The following TACC1 variants were observed in gnomAD, a reference collection of about 807,000 sequenced individuals.
The protein encoded by TACC1 is transforming acidic coiled-coil-containing protein 1.
In TACC1, 48 loss-of-function variants were observed where a neutral mutation model predicts 84.4. The ratio of observed to expected loss-of-function variants is 0.57; its 90% CI spans 0.45 to 0.72. TACC1 has a LOEUF of 0.72. Ranked by LOEUF, TACC1 falls within the 30% of genes least tolerant of loss-of-function variation. The pLI, the probability that TACC1 is intolerant of heterozygous loss-of-function variation, is 0.00. For synonymous variants in TACC1, 372 were observed against 376.3 expected (o/e 0.99, Z 0.13); for missense variants, 920 against 973.0 (o/e 0.95, Z 0.72).
At chr8:38,783,813 T>C (rs1337260477), upstream of TACC1, among the ~76,000 whole-genome samples, 1 of 152,244 alleles carries the variant, frequency 6.6e-6, no homozygotes, top group East Asian at 1.9e-4. Flanking sequence ...AAATGCATTG[T>C]ACACAGTCCT....
intron 2 of TACC1, among the ~76,000 whole-genome samples, chr8:38,808,160 CCTT>C (rs1229678542): frequency 3.3e-5 from 5 of 152,296 alleles, no homozygotes; most frequent in Admixed American, 2.0e-4. Flanking sequence ...TCATCAAACT[CCTT>C]CTAGAGAGAG....
intron 3 of TACC1, among the ~76,000 whole-genome samples, chr8:38,769,656 T>A (rs1813118798): frequency 2.9e-5 from 4 of 138,414 alleles, no homozygotes; most frequent in Non-Finnish European, 4.7e-5. Context: ...TGTGTGTGTG[T>A]GAGAGAGAGA....
chr8:38,787,059 C>T, upstream of TACC1: 1 of 912,598 alleles, frequency 1.1e-6, no homozygotes. Flanking sequence ...GGCCCTCAGT[C>T]GGGCCGCGAC....
At chr8:38,793,561 A>T (rs935560556) in intron 2 of TACC1, among the ~76,000 whole-genome samples, 2 of 150,290 alleles carry the variant, frequency 1.3e-5, no homozygotes, top group Non-Finnish European at 3.0e-5. Flanking sequence ...AGTAGTTCTT[A>T]AAAAAAAACA....
intron 3 of TACC1, among the ~76,000 whole-genome samples, chr8:38,779,483 G>A (rs567300215): frequency 3.2e-4 from 49 of 152,306 alleles, no homozygotes; most frequent in Non-Finnish European, 6.3e-4. Context: ...TCCACCCTCC[G>A]GGTGTCTTCA....
Position 38,750,814 on chromosome 8 carries a change from G to A in TACC1, c.26+5321G>A, listed in dbSNP as rs550021382. Among the ~76,000 whole-genome samples, 15 of 152,236 alleles carry A rather than the reference G, an allele frequency of 9.9e-5. 1 individual carries two copies. Among genetic ancestry groups the A allele is most frequent in the Non-Finnish European group, 1.9e-4 (13 of 67,998 alleles). On this transcript the variant is annotated intron_variant, in intron 3 of 14. Coordinates refer to the TACC1 transcript ENST00000518415. ...ATCTGCATAAATGAACAGCTATACC[G>A]TGTTCATGGATTCAAAGTCTCAATA...
chr8:38,810,009 G>A (rs377427547), intron 2 of TACC1, among the ~76,000 whole-genome samples: 3 of 152,256 alleles, frequency 2.0e-5, no homozygotes, highest in South Asian at 4.2e-4. Context: ...ACTAGGATCC[G>A]CTTCCAACAC....
chr8:38,846,721 GT>G lies in TACC1; in HGVS notation c.2253del (p.Arg752GlufsTer20), dbSNP rs1215316866. ...LDKANEEIAQ[V>X]RTKAKAESAA... ...CAGAGCCAATGAAGAGATTGCTCAGGTTCGAACAAAAGCAAAGGCTGAGAGT... is the reference window on the plus strand; with the variant it reads ...CAGAGCCAATGAAGAGATTGCTCAGGTCGAACAAAAGCAAAGGCTGAGAGT... On this transcript the variant is annotated frameshift_variant, in exon 12 of 13. Coordinates refer to ENST00000317827, the MANE Select transcript of TACC1 (RefSeq NM_006283.3). LOFTEE classifies it high-confidence loss of function. 6.2e-7 allele frequency: 1 copy of G among 1,613,996 alleles called. No homozygotes were observed. Among genetic ancestry groups the G allele is most frequent in the Non-Finnish European group, 8.5e-7 (1 of 1,180,028 alleles).
chr8:38,819,638 G>A lies in TACC1; in HGVS notation c.394G>A (p.Val132Ile). Residue 132 changes from valine to isoleucine, a missense_variant, in exon 3 of 13, where the codon GTC becomes ATC. Val to Ile is a conservative substitution (Grantham distance 29). Coordinates refer to ENST00000317827, the MANE Select transcript of TACC1 (RefSeq NM_006283.3). ...ACAGCAGGCCATTGACTCTCACTCA[G>A]TCAAGAATTTCAGAGAAGAACCTGA... ...VPQQAIDSHSVKNFREEPEHD... is the reference protein window; with the variant it reads ...VPQQAIDSHSIKNFREEPEHD... 6.2e-7 allele frequency: 1 copy of A among 1,614,230 alleles called. No homozygotes were observed. Among genetic ancestry groups the A allele is most frequent in the East Asian group, 2.2e-5 (1 of 44,890 alleles).
chr8:38,804,474 T>G (rs1382051502), intron 2 of TACC1, among the ~76,000 whole-genome samples: 1 of 152,170 alleles, frequency 6.6e-6, no homozygotes. Context: ...TAATTTTTTG[T>G]ATTTTTAGTA....
chr8:38,797,619 T>A (rs1820297695), intron 2 of TACC1, among the ~76,000 whole-genome samples: 1 of 152,202 alleles, frequency 6.6e-6, no homozygotes, highest in Non-Finnish European at 1.5e-5. Context: ...TCCTCCCTCT[T>A]CTTCTTTATC....
chr8:38,852,259 TATATAA>T lies in TACC1; in HGVS notation c.*4242_*4247del, dbSNP rs1460046765. 1 of 248,766 alleles carries T rather than the reference TATATAA, an allele frequency of 4.0e-6. No individual in the cohort carries two copies. Among genetic ancestry groups the T allele is most frequent in the African/African-American group, 2.2e-5 (1 of 44,588 alleles). 15.4% of individuals were successfully genotyped at this position (248,766 alleles called of 1,614,324 possible). A position where few individuals can be genotyped will look rare whatever the true frequency, so the allele number is the denominator to read the frequency against. ...TTAACTATAATATGGTTACAGCTAT[TATATAA>T]ATATATATTCTGGTTATAGTTCTAA... is the stretch of plus-strand genomic sequence containing the variant. On this transcript the variant is annotated 3_prime_UTR_variant, in exon 13 of 13. Transcript: ENST00000317827.
intron 3 of TACC1, 86 bp from the exon 4 acceptor site, chr8:38,825,222 C>A: frequency 1.4e-6 from 2 of 1,430,354 alleles, no homozygotes; most frequent in Non-Finnish European, 2.0e-6. Flanking sequence ...CTTCTATCCG[C>A]ACACACTGCT....
At chr8:38,797,431 C>T (rs963071710) in intron 2 of TACC1, among the ~76,000 whole-genome samples, 1 of 152,248 alleles carries the variant, frequency 6.6e-6, no homozygotes, top group Non-Finnish European at 1.5e-5. Context: ...GGCGTCTCTT[C>T]ACTATGCCCT....
In TACC1 at chr8:38,788,772, C is replaced by G. The variant is rs766086508; in HGVS notation, c.230C>G (p.Ser77Cys). The G allele has an allele frequency of 6.2e-7, 1 of 1,613,788 alleles. No individual in the cohort carries two copies. ...ETPIRSPFKESCDPSLGLAGP... is the reference protein window; with the variant it reads ...ETPIRSPFKECCDPSLGLAGP... ...CCGATCCGATCACCTTTCAAGGAGT[C>G]CTGTGATCCATCACTCGGATTGGCA... Residue 77 changes from serine to cysteine, a missense_variant, in exon 2 of 13, where the codon TCC (serine) becomes TGC (cysteine). Physicochemically the swap from Ser to Cys is moderately radical, Grantham distance 112. Coordinates refer to ENST00000317827, the MANE Select transcript of TACC1 (RefSeq NM_006283.3).
At chr8:38,769,415 A>G in intron 3 of TACC1, among the ~76,000 whole-genome samples, 1 of 112,142 alleles carries the variant, frequency 8.9e-6, no homozygotes, top group African/African-American at 3.6e-5. Context: ...TATGTATATG[A>G]GACTGTATGA....
intron 2 of TACC1, among the ~76,000 whole-genome samples, chr8:38,789,291 A>G (rs1007671749): frequency 6.6e-6 from 1 of 152,160 alleles, no homozygotes; most frequent in Non-Finnish European, 1.5e-5. Flanking sequence ...CCTTCAGTCT[A>G]CTTAGGAAAA....
chr8:38,845,177 G>A (rs868581446), intron 11 of TACC1, among the ~76,000 whole-genome samples: 3 of 152,096 alleles, frequency 2.0e-5, no homozygotes, highest in South Asian at 2.1e-4. Context: ...CGCCCGCCTC[G>A]GTCTCCCAAA....
At chr8:38,742,699 T>G (rs1319489750) in intron 2 of TACC1, among the ~76,000 whole-genome samples, 4 of 152,184 alleles carry the variant, frequency 2.6e-5, no homozygotes, top group Non-Finnish European at 5.9e-5. Flanking sequence ...ATTTACTTAT[T>G]TCTTTTTTTG....
Sources: allele counts gnomAD v4.1 joint callset (sites outside exome capture counted in the v4.1 genomes callset), GRCh38; gene constraint gnomAD v4.1.1; transcripts MANE v1.5; gene names NCBI Gene and HGNC (gene_info 2026-07-23, HGNC 2026-07-21).